MAP3K13: variants seen among roughly 807,000 people sequenced by gnomAD.
MAP3K13 encodes leucine zipper-bearing kinase.
In MAP3K13, 52 loss-of-function variants were observed where a neutral mutation model predicts 104.0. The ratio of observed to expected loss-of-function variants is 0.50; its 90% CI spans 0.40 to 0.63. The LOEUF (loss-of-function observed/expected upper bound fraction) is 0.63. Ranked by LOEUF, MAP3K13 falls within the 20% of genes least tolerant of loss-of-function variation. MAP3K13 has a pLI of 0.00. For missense variants in MAP3K13, 914 were observed against 1,218.5 expected (o/e 0.75, Z 3.72); for synonymous variants, 394 against 442.2 (o/e 0.89, Z 1.37).
intron 1 of MAP3K13, among the ~76,000 whole-genome samples, chr3:185,373,967 TA>T (rs1266592746): frequency 3.3e-5 from 5 of 151,892 alleles, no homozygotes; most frequent in African/African-American, 1.2e-4. Context: ...GCGGTGGAGT[TA>T]AGAACAATGT....
chr3:185,309,622 T>G (rs1721429724), intron 2 of MAP3K13, among the ~76,000 whole-genome samples: 1 of 152,104 alleles, frequency 6.6e-6, no homozygotes, highest in Non-Finnish European at 1.5e-5. Context: ...CTGCCTAAAT[T>G]ATCAGCTATT....
At chr3:185,398,380 C>T (rs1440753052) in intron 1 of MAP3K13, among the ~76,000 whole-genome samples, 3 of 152,178 alleles carry the variant, frequency 2.0e-5, no homozygotes, top group African/African-American at 7.2e-5. Context: ...CCTGTGAAGG[C>T]AGATGAGCAG....
Position 185,487,332 on chromosome 3 carries a change from T to G in MAP3K13, c.*4876T>G, listed in dbSNP as rs1369827188. The G allele has an allele frequency of 6.8e-6, 1 of 146,470 alleles. No homozygotes were observed. The allele number at this position is 146,470 out of a possible 1,614,324, so 9.1% of individuals were successfully genotyped here. A position where few individuals can be genotyped will look rare whatever the true frequency, so the allele number is the denominator to read the frequency against. ...GGTGTGTGCCACCATGCACAACAAT[T>G]TTTTTTTTTTTTTTGTAGAGATGGG... On this transcript the variant is annotated 3_prime_UTR_variant, in exon 14 of 14. Coordinates refer to ENST00000265026, the MANE Select transcript of MAP3K13 (RefSeq NM_004721.5).
chr3:185,468,684 T>C (rs1717600844), intron 10 of MAP3K13, among the ~76,000 whole-genome samples: 1 of 152,252 alleles, frequency 6.6e-6, no homozygotes, highest in South Asian at 2.1e-4. Context: ...AATAGGTACC[T>C]AACTTCTAAC....
intron 7 of MAP3K13, among the ~76,000 whole-genome samples, chr3:185,455,938 G>T (rs576519889): frequency 1.4e-4 from 20 of 140,680 alleles, no homozygotes; most frequent in East Asian, 4.0e-4. Flanking sequence ...GTATATATGA[G>T]ATATATATAT....
intron 7 of MAP3K13, among the ~76,000 whole-genome samples, chr3:185,455,725 G>C (rs556313440): frequency 6.5e-5 from 1 of 15,410 alleles, no homozygotes; most frequent in East Asian, 1.6e-3. Flanking sequence ...AGATATATAT[G>C]ATATATATAT....
At chr3:185,417,068 T>G (rs1162443241) in intron 1 of MAP3K13, among the ~76,000 whole-genome samples, 2 of 152,062 alleles carry the variant, frequency 1.3e-5, no homozygotes, top group South Asian at 2.1e-4. Flanking sequence ...AGAGAGGAAA[T>G]GGTTACAAAA....
At chr3:185,336,541 CAAAA>C (rs1357841912) in intron 2 of MAP3K13, among the ~76,000 whole-genome samples, 2 of 77,900 alleles carry the variant, frequency 2.6e-5, no homozygotes, top group African/African-American at 4.8e-5. Flanking sequence ...GACTCTGTCT[CAAAA>C]AAAAAAAAAA....
chr3:185,479,607 G>A (rs1166640714), intron 12 of MAP3K13, among the ~76,000 whole-genome samples: 7 of 152,352 alleles, frequency 4.6e-5, no homozygotes, highest in South Asian at 2.1e-4. Context: ...AGCTTGGAGT[G>A]TAGTGTTTAG....
chr3:185,454,997 G>GAT (rs1169408751), intron 7 of MAP3K13, among the ~76,000 whole-genome samples: 6 of 27,704 alleles, frequency 2.2e-4, no homozygotes, highest in African/African-American at 4.4e-4. Context: ...AGATATATAT[G>GAT]ATATATATGA....
intron 1 of MAP3K13, among the ~76,000 whole-genome samples, chr3:185,381,769 A>G (rs1227863021): frequency 6.6e-6 from 1 of 152,262 alleles, no homozygotes. Context: ...TTTGATAATA[A>G]TAAATCAACA....
chr3:185,393,559 C>T (rs955603928), intron 1 of MAP3K13, among the ~76,000 whole-genome samples: 5 of 151,518 alleles, frequency 3.3e-5, no homozygotes, highest in African/African-American at 1.2e-4. Flanking sequence ...CCCGGGTTCA[C>T]GCCATTCTCC....
rs1362071514 is a variant in MAP3K13 at position 185,455,362 on chromosome 3, AGATATATAT to A, written c.1278+3986_1278+3994del. The stretch of plus-strand genomic sequence containing the variant: ...ATGAGATATATATGATATATATATG[AGATATATAT>A]GATATATATGATATATATATCATAT... On this transcript the variant is annotated intron_variant, in intron 7 of 13. Coordinates refer to ENST00000265026, the MANE Select transcript of MAP3K13 (RefSeq NM_004721.5). Among the ~76,000 whole-genome samples, 9 of 112,062 alleles carry A rather than the reference AGATATATAT, an allele frequency of 8.0e-5. 3 individuals carry two copies. Among genetic ancestry groups the A allele is most frequent in the South Asian group, 5.5e-4 (2 of 3,654 alleles). The allele number at this position is 112,062 out of a possible 152,430, so 73.5% of individuals were successfully genotyped here.
At chr3:185,322,656 T>G (rs1284693956) in intron 2 of MAP3K13, among the ~76,000 whole-genome samples, 1 of 152,198 alleles carries the variant, frequency 6.6e-6, no homozygotes, top group African/African-American at 2.4e-5. Context: ...AACTAGGACA[T>G]TTTAGAGTCA....
At chr3:185,306,255 CT>C (rs1721286452) in intron 2 of MAP3K13, among the ~76,000 whole-genome samples, 1 of 152,076 alleles carries the variant, frequency 6.6e-6, no homozygotes, top group African/African-American at 2.4e-5. Context: ...GTGCATGTGT[CT>C]TTTTGGTATA....
intron 1 of MAP3K13, among the ~76,000 whole-genome samples, chr3:185,369,503 G>A (rs149420070): frequency 1.9e-3 from 292 of 152,246 alleles, no homozygotes; most frequent in African/African-American, 6.6e-3. Flanking sequence ...TTTTAAACTC[G>A]CATGCTTCTC....
chr3:185,417,993 T>A, intron 1 of MAP3K13: 1 of 1,610,878 alleles, frequency 6.2e-7, no homozygotes, highest in South Asian at 1.1e-5. Context: ...TGCCATACAA[T>A]TCATCTAACT....
intron 2 of MAP3K13, among the ~76,000 whole-genome samples, chr3:185,303,495 C>T (rs1170047916): frequency 6.6e-6 from 1 of 151,720 alleles, no homozygotes; most frequent in Non-Finnish European, 1.5e-5. Context: ...GATTCACTCT[C>T]CTTACTAGTT....
intron 4 of MAP3K13, among the ~76,000 whole-genome samples, chr3:185,447,094 T>C (rs1296069383): frequency 2.6e-5 from 4 of 152,176 alleles, no homozygotes; most frequent in African/African-American, 7.2e-5. Context: ...GTTTGCCTTA[T>C]ACATGTGAAA....
Sources: allele counts gnomAD v4.1 joint callset (sites outside exome capture counted in the v4.1 genomes callset), GRCh38; gene constraint gnomAD v4.1.1; transcripts MANE v1.5; gene names NCBI Gene and HGNC (gene_info 2026-07-23, HGNC 2026-07-21).